HPS4: variants seen among roughly 807,000 people sequenced by gnomAD.
The protein encoded by HPS4 is HPS4 biogenesis of lysosomal organelles complex 3 subunit 2.
A neutral mutation model predicts 70.3 loss-of-function variants in HPS4; 44 were observed. The observed-to-expected ratio is 0.63, with a 90% CI of 0.49 to 0.80. HPS4 has a LOEUF of 0.80. HPS4 is among the 30% of genes least tolerant of loss of function. The pLI is 0.00. For missense variants in HPS4, 873 were observed against 884.4 expected (o/e 0.99, Z 0.16); for synonymous variants, 377 against 355.9 (o/e 1.06, Z -0.67).
At position 26,466,101 on chromosome 22, in the gene HPS4, T is replaced by C. The variant is rs144912961; in HGVS notation, c.706+125A>G. 103 of 1,603,790 alleles carry C rather than the reference T, an allele frequency of 6.4e-5. No individual in the cohort carries two copies. The East Asian group carries it at 2.2e-3, about 34-fold the overall frequency. ...ATTCTTGAAGCTCCATAACATCCAT[T>C]TTCCTATTATGAGCAGAGGAAATAA... On this transcript the variant is annotated intron_variant, in intron 9 of 13. Transcript: ENST00000398145.
At chr22:26,449,014 A>T (rs1388133345), downstream of HPS4, among the ~76,000 whole-genome samples, 2 of 151,980 alleles carry the variant, frequency 1.3e-5, no homozygotes, top group East Asian at 1.9e-4. Context: ...TTGGGAGAGG[A>T]GTGTGTGTGT....
rs766903925 is a variant in HPS4 at position 26,464,188 on chromosome 22, T to C, written c.1442A>G (p.Asn481Ser). The C allele has an allele frequency of 1.2e-6, 2 of 1,614,108 alleles. No individual in the cohort carries two copies. The highest frequency in any genetic ancestry group is 4.5e-5 in the East Asian group (2 of 44,894). The change falls in exon 11 of 14, where the codon AAC (asparagine) becomes AGC (serine). Residue 481 changes from asparagine to serine, a missense_variant. Transcript: ENST00000398145. ...LPRLDPGQRG[N>S]KLPTGEQGLD... ...GCCTTGTTCCCCCGTGGGAAGCTTG[T>C]TTCCTCTCTGTCCTGGATCTAAGCG...
In HPS4 at chr22:26,466,306, C is replaced by T. The variant is rs372772133; in HGVS notation, c.670-44G>A. ...AGAAGTTGGCGCTGGGCACCACATT[C>T]TCCTCTTGACCTAACCATCAGGAAT... On this transcript the variant is annotated intron_variant, in intron 8 of 13. Coordinates refer to ENST00000398145, the MANE Select transcript of HPS4 (RefSeq NM_022081.6). 208 of 1,607,378 alleles carry T rather than the reference C, an allele frequency of 1.3e-4. 2 individuals are homozygous for T. The South Asian group carries it at 1.6e-3, about 13-fold the overall frequency.
intron 7 of HPS4, 53 bp from the exon 8 acceptor site, chr22:26,468,676 A>T (rs1601963951): frequency 6.5e-7 from 1 of 1,538,598 alleles, no homozygotes; most frequent in East Asian, 2.2e-5. Context: ...ACACCAAAAC[A>T]CTCCAAATTT....
chr22:26,466,212 G>C lies in HPS4; in HGVS notation c.706+14C>G. On this transcript the variant is annotated intron_variant, in intron 9 of 13. Coordinates refer to ENST00000398145, the MANE Select transcript of HPS4 (RefSeq NM_022081.6). ...CGCCGTTCTCAAGAGGCAACCATGC[G>C]CCTCACTACTTACCATGTTCCTGCG... The C allele has an allele frequency of 6.2e-7, 1 of 1,614,060 alleles. No homozygotes were observed. Among genetic ancestry groups the C allele is most frequent in the African/African-American group, 1.3e-5 (1 of 75,034 alleles).
chr22:26,449,304 G>A (rs2085059384), downstream of HPS4, among the ~76,000 whole-genome samples: 1 of 147,860 alleles, frequency 6.8e-6, no homozygotes. Flanking sequence ...ATGAGAACCA[G>A]CTCCAGTCAC....
At chr22:26,468,708 G>T in intron 7 of HPS4, 85 bp from the exon 8 acceptor site, 1 of 1,259,206 alleles carries the variant, frequency 7.9e-7, no homozygotes, top group Non-Finnish European at 1.2e-6. Flanking sequence ...AACAGCCCGT[G>T]TTGACGAGGA....
chr22:26,458,597 C>G lies in HPS4; in HGVS notation c.1714-20G>C, dbSNP rs764040685. The G allele has an allele frequency of 6.2e-7, 1 of 1,613,740 alleles. No individual in the cohort carries two copies. Among genetic ancestry groups the G allele is most frequent in the Non-Finnish European group, 8.5e-7 (1 of 1,179,890 alleles). On this transcript the variant is annotated intron_variant, in intron 11 of 13. Transcript: ENST00000398145. Reference sequence around the variant, plus strand: ...GTGGTACTGCAAAGGGGGAGAGGGTCATGGGCTTGTAGGGCTGACCTCAGC... The same window carrying G: ...GTGGTACTGCAAAGGGGGAGAGGGTGATGGGCTTGTAGGGCTGACCTCAGC...
intron 13 of HPS4, among the ~76,000 whole-genome samples, chr22:26,457,210 C>CTTTTTTTTTTTTTTTTTTTTTTTTTT (rs1555889771): frequency 3.9e-5 from 1 of 25,554 alleles, no homozygotes. Flanking sequence ...GCACGTATTA[C>CTTTTTTTTTTTTTTTTTTTTTTTTTT]TTTTTTTTTT....
At chr22:26,459,576 A>G (rs548279764) in intron 11 of HPS4, among the ~76,000 whole-genome samples, 1 of 152,272 alleles carries the variant, frequency 6.6e-6, no homozygotes, top group African/African-American at 2.4e-5. Context: ...CTTGGTCTGA[A>G]ATGGGGTTTC....
intron 8 of HPS4, chr22:26,468,328 G>GA (rs1425473593): frequency 1.7e-6 from 1 of 581,576 alleles, no homozygotes; most frequent in Non-Finnish European, 3.1e-6. Context: ...TTGGTTTGAA[G>GA]AAAAAACAAC....
intron 8 of HPS4, 145 bp downstream of exon 8, chr22:26,468,406 G>T: frequency 1.4e-6 from 1 of 730,852 alleles, no homozygotes; most frequent in South Asian, 1.5e-5. Context: ...CTACTGAGGA[G>T]AATGACATTG....
downstream of HPS4, among the ~76,000 whole-genome samples, chr22:26,447,982 T>C (rs112443942): frequency 8.3e-3 from 1,259 of 152,306 alleles, 14 homozygotes; most frequent in African/African-American, 0.029. Flanking sequence ...TCCTTGTCAA[T>C]TGCACATTTA....
At position 26,481,853 on chromosome 22, in the gene HPS4, C is replaced by G; in HGVS notation, c.-91G>C. On this transcript the variant is annotated 5_prime_UTR_variant, in exon 2 of 14. Coordinates refer to ENST00000398145, the MANE Select transcript of HPS4 (RefSeq NM_022081.6). ...TAGCTGTGACCGTTCCTCTATCCCC[C>G]AATCCAGTGAATCTGGACGTGGTAG... 7.9e-7 allele frequency: 1 copy of G among 1,266,152 alleles called. No individual in the cohort carries two copies. Among genetic ancestry groups the G allele is most frequent in the East Asian group, 2.3e-5 (1 of 43,256 alleles). The allele number at this position is 1,266,152 out of a possible 1,614,324, so 78.4% of individuals were successfully genotyped here. A position where few individuals can be genotyped will look rare whatever the true frequency, so the allele number is the denominator to read the frequency against.
intron 13 of HPS4, among the ~76,000 whole-genome samples, chr22:26,455,330 C>T (rs899006469): frequency 1.3e-4 from 20 of 151,946 alleles, no homozygotes; most frequent in Admixed American, 2.6e-4. Context: ...TTGGAACCAA[C>T]CTAAATGTCC....
chr22:26,465,609 G>T, intron 9 of HPS4, 58 bp from the exon 10 acceptor site: 2 of 1,370,104 alleles, frequency 1.5e-6, no homozygotes, highest in Non-Finnish European at 2.1e-6. Flanking sequence ...GGGCAGCGGG[G>T]CAATAGCTGC....
At chr22:26,461,671 G>C (rs1484931142) in intron 11 of HPS4, among the ~76,000 whole-genome samples, 2 of 152,208 alleles carry the variant, frequency 1.3e-5, no homozygotes, top group Admixed American at 1.3e-4. Context: ...CAGTAGCAGA[G>C]GGGCTGCAGG....
chr22:26,449,451 C>T (rs1259185773), downstream of HPS4, among the ~76,000 whole-genome samples: 1 of 151,842 alleles, frequency 6.6e-6, no homozygotes, highest in African/African-American at 2.4e-5. Flanking sequence ...CGGCTTCGGC[C>T]TCCCGAGTAG....
Position 26,465,704 on chromosome 22 carries a change from C to T in HPS4, c.707-153G>A, listed in dbSNP as rs532282177. ...CTCAGCCAGGACACAGGTTGCCAAA[C>T]TGCACCTCGAACTCCTGGGCCCAGT... On this transcript the variant is annotated intron_variant, in intron 9 of 13. Coordinates refer to ENST00000398145, the MANE Select transcript of HPS4 (RefSeq NM_022081.6). 3 of 658,856 alleles carry T rather than the reference C, an allele frequency of 4.6e-6. No homozygotes were observed. The South Asian group carries it at 5.3e-5, about 12-fold the overall frequency. 40.8% of individuals were successfully genotyped at this position (658,856 alleles called of 1,614,324 possible).
Sources: allele counts gnomAD v4.1 joint callset (sites outside exome capture counted in the v4.1 genomes callset), GRCh38; gene constraint gnomAD v4.1.1; transcripts MANE v1.5; gene names NCBI Gene and HGNC (gene_info 2026-07-23, HGNC 2026-07-21).